ADAMTSL1: variants seen among roughly 807,000 people sequenced by gnomAD.
The protein encoded by ADAMTSL1 is ADAMTS-like protein 1.
ADAMTSL1 carries 126 observed loss-of-function variants against 201.8 expected under a neutral mutation model. That is an observed-to-expected ratio of 0.62 (90% CI 0.54 to 0.72). The LOEUF is 0.72. ADAMTSL1 is among the 30% of genes least tolerant of loss of function. ADAMTSL1 has a pLI of 0.00. For missense variants in ADAMTSL1, 2,679 were observed against 2,277.8 expected (o/e 1.18, Z -3.59); for synonymous variants, 1,121 against 903.4 (o/e 1.24, Z -4.32).
At position 18,370,800 on chromosome 9, in the gene ADAMTSL1, C is replaced by G. The variant is rs1837011152; in HGVS notation, c.208-134029C>G. ...CTAACTAATTGGATGTAGATGAACA[C>G]AATTGATATTACCCTTGCTTTTTTT... On this transcript the variant is annotated intron_variant, in intron 2 of 29. Coordinates refer to the ADAMTSL1 transcript ENST00000680146. Among the ~76,000 whole-genome samples, 7 of 150,490 alleles carry G rather than the reference C, an allele frequency of 4.7e-5. 1 individual carries two copies. The South Asian group carries it at 1.5e-3, about 32-fold the overall frequency.
intron 2 of ADAMTSL1, among the ~76,000 whole-genome samples, chr9:18,302,949 G>A (rs570334764): frequency 1.4e-4 from 21 of 152,264 alleles, no homozygotes; most frequent in Middle Eastern, 3.4e-3. Context: ...AGACATGAAG[G>A]TATCTGAAAA....
chr9:18,031,009 G>C (rs73418879), intron 1 of ADAMTSL1, among the ~76,000 whole-genome samples: 23 of 152,252 alleles, frequency 1.5e-4, no homozygotes, highest in African/African-American at 5.1e-4. Flanking sequence ...TTCAACTCCA[G>C]AAGTCCACTT....
At chr9:18,561,676 G>T (rs1296922502) in intron 3 of ADAMTSL1, among the ~76,000 whole-genome samples, 1 of 152,022 alleles carries the variant, frequency 6.6e-6, no homozygotes, top group African/African-American at 2.4e-5. Context: ...TCTCTTTTAG[G>T]TCTCTAAGAA....
intron 16 of ADAMTSL1, among the ~76,000 whole-genome samples, chr9:18,769,814 G>A (rs567314708): frequency 1.6e-4 from 24 of 152,136 alleles, no homozygotes; most frequent in Non-Finnish European, 1.3e-4. Context: ...TCTTTATGCC[G>A]AAATGTGGTA....
intron 2 of ADAMTSL1, among the ~76,000 whole-genome samples, chr9:18,175,567 G>C (rs552919567): frequency 1.3e-5 from 2 of 152,214 alleles, no homozygotes; most frequent in East Asian, 3.9e-4. Context: ...GAACTTCTTA[G>C]CTTCAACTTT....
upstream of ADAMTSL1, chr9:18,474,070 A>G: frequency 4.0e-6 from 2 of 499,774 alleles, no homozygotes; most frequent in South Asian, 4.5e-5. Context: ...CTTACCCCCC[A>G]CCCATCCACC....
intron 2 of ADAMTSL1, among the ~76,000 whole-genome samples, chr9:18,330,186 T>A (rs1320945208): frequency 6.6e-6 from 1 of 152,184 alleles, no homozygotes; most frequent in African/African-American, 2.4e-5. Flanking sequence ...GCAAGGTAGT[T>A]TGGAGGACAA....
intron 1 of ADAMTSL1, among the ~76,000 whole-genome samples, chr9:18,161,550 C>G (rs775887645): frequency 6.6e-6 from 1 of 152,018 alleles, no homozygotes; most frequent in African/African-American, 2.4e-5. Context: ...CATGTCAATT[C>G]TGGATTACTG....
At chr9:18,866,596 A>C (rs1049488670) in intron 23 of ADAMTSL1, among the ~76,000 whole-genome samples, 1 of 152,206 alleles carries the variant, frequency 6.6e-6, no homozygotes, top group African/African-American at 2.4e-5. Context: ...TGCTTATTAG[A>C]AGCACATTCC....
At chr9:18,225,366 G>C (rs909515563) in intron 2 of ADAMTSL1, among the ~76,000 whole-genome samples, 1 of 152,078 alleles carries the variant, frequency 6.6e-6, no homozygotes, top group Admixed American at 6.6e-5. Context: ...ATCCCACTGG[G>C]TTATGATTTA....
intron 10 of ADAMTSL1, among the ~76,000 whole-genome samples, chr9:18,676,634 C>G (rs1034336182): frequency 2.0e-5 from 3 of 152,032 alleles, no homozygotes; most frequent in African/African-American, 7.2e-5. Flanking sequence ...GCATTGGAAA[C>G]AGCTCCACAG....
intron 15 of ADAMTSL1, among the ~76,000 whole-genome samples, chr9:18,740,996 T>C (rs1380453445): frequency 6.6e-6 from 1 of 152,162 alleles, no homozygotes; most frequent in Non-Finnish European, 1.5e-5. Context: ...TCCCAATCTA[T>C]GATTCTGTCT....
chr9:18,733,847 T>C (rs1195100746), intron 15 of ADAMTSL1, among the ~76,000 whole-genome samples: 1 of 151,952 alleles, frequency 6.6e-6, no homozygotes, highest in African/African-American at 2.4e-5. Context: ...CTGTCACTTG[T>C]ACGGGGTACA....
At chr9:18,391,824 C>CTTTTTTTTTTTTTTTTT (rs11407945) in intron 2 of ADAMTSL1, among the ~76,000 whole-genome samples, 3 of 116,740 alleles carry the variant, frequency 2.6e-5, no homozygotes, top group African/African-American at 6.5e-5. Flanking sequence ...TCTTTTCTTT[C>CTTTTTTTTTTTTTTTTT]TTTTTTTTTT....
chr9:18,707,914 G>C (rs1465517285), intron 14 of ADAMTSL1, among the ~76,000 whole-genome samples: 1 of 152,190 alleles, frequency 6.6e-6, no homozygotes, highest in Non-Finnish European at 1.5e-5. Flanking sequence ...GATTCTTCAA[G>C]ATTACGAACT....
chr9:17,999,985 T>A (rs1819547889), intron 1 of ADAMTSL1, among the ~76,000 whole-genome samples: 1 of 146,418 alleles, frequency 6.8e-6, no homozygotes, highest in Non-Finnish European at 1.5e-5. Context: ...GTGCCACATT[T>A]TCTTAATCCA....
In ADAMTSL1 at chr9:18,276,615, G is replaced by A. The variant is rs962342255; in HGVS notation, c.207+112634G>A. Among the ~76,000 whole-genome samples the A allele has an allele frequency of 2.0e-4, 30 of 152,318 alleles. No homozygotes were observed. The East Asian group carries it at 2.9e-3, about 15-fold the overall frequency. ...CAGTTCTGCAGGCTGTACAAGAAGC[G>A]TGCTGCCAGCACCTGCTTCTGGTGA... On this transcript the variant is annotated intron_variant, in intron 2 of 29. Transcript: ENST00000680146.
At chr9:18,085,486 T>TATATATATGTATACTGTGTGTGC (rs1823711288) in intron 1 of ADAMTSL1, among the ~76,000 whole-genome samples, 1 of 144,850 alleles carries the variant, frequency 6.9e-6, no homozygotes, top group Non-Finnish European at 1.5e-5. Flanking sequence ...TGTGTGCATA[T>TATATATATGTATACTGTGTGTGC]ATATATATAT....
At chr9:18,072,377 T>C (rs1258352672) in intron 1 of ADAMTSL1, among the ~76,000 whole-genome samples, 1 of 151,944 alleles carries the variant, frequency 6.6e-6, no homozygotes, top group Non-Finnish European at 1.5e-5. Context: ...GCCTGGAGAG[T>C]GCTACTCACC....
Sources: allele counts gnomAD v4.1 joint callset (sites outside exome capture counted in the v4.1 genomes callset), GRCh38; gene constraint gnomAD v4.1.1; transcripts MANE v1.5; gene names NCBI Gene and HGNC (gene_info 2026-07-23, HGNC 2026-07-21).